The following PLD1 variants were observed in gnomAD, a reference collection of about 807,000 sequenced individuals.
PLD1 encodes choline phosphatase 1.
PLD1 carries 112 observed loss-of-function variants against 137.1 expected under a neutral mutation model. That is an observed-to-expected ratio of 0.82 (90% confidence interval 0.70 to 0.96). The LOEUF is 0.96. PLD1 is among the 40% of genes least tolerant of loss of function. The pLI is 0.00. For missense variants in PLD1, 1,321 were observed against 1,342.0 expected, an observed-to-expected ratio of 0.98 and a Z score of 0.24; for synonymous variants, 431 against 454.7, an observed-to-expected ratio of 0.95 and a Z score of 0.66.
intron 23 of PLD1, among the ~76,000 whole-genome samples, chr3:171,634,148 G>A (rs1227127461): frequency 6.6e-6 from 1 of 152,146 alleles, no homozygotes; most frequent in Non-Finnish European, 1.5e-5. Flanking sequence ...TTTCCCCACT[G>A]AGATGCCTTA....
rs1026369866 is a variant in PLD1 at position 171,601,283 on chromosome 3, G to A, written c.*1795C>T. 3 of 152,056 alleles carry A rather than the reference G, an allele frequency of 2.0e-5. No individual in the cohort carries two copies. The highest frequency in any genetic ancestry group is 2.9e-5 in the Non-Finnish European group (2 of 68,012). 9.4% of individuals were successfully genotyped at this position (152,056 alleles called of 1,614,324 possible). A position where few individuals can be genotyped will look rare whatever the true frequency, so the allele number is the denominator to read the frequency against. ...TTCAGGCTTTTTTCATGAGAGTAGG[G>A]TGCTGAAAATCAAGAGCCAGTTTGT... On this transcript the variant is annotated 3_prime_UTR_variant, in exon 27 of 27. Coordinates refer to ENST00000351298, the MANE Select transcript of PLD1 (RefSeq NM_002662.5).
intron 11 of PLD1, among the ~76,000 whole-genome samples, chr3:171,700,338 T>A (rs950572836): frequency 2.6e-4 from 38 of 145,834 alleles, no homozygotes; most frequent in African/African-American, 9.1e-4. Flanking sequence ...ACACACACTC[T>A]CTCTCTCTCT....
At chr3:171,693,058 T>C (rs1297071662) in intron 12 of PLD1, among the ~76,000 whole-genome samples, 8 of 152,260 alleles carry the variant, frequency 5.3e-5, no homozygotes, top group African/African-American at 1.9e-4. Context: ...TGATTCATCC[T>C]TCCTTAGACC....
intron 23 of PLD1, among the ~76,000 whole-genome samples, chr3:171,631,375 A>C (rs1484152424): frequency 6.6e-6 from 1 of 152,182 alleles, no homozygotes; most frequent in African/African-American, 2.4e-5. Flanking sequence ...AAACATAAAA[A>C]GAGGGATAGC....
intron 1 of PLD1, among the ~76,000 whole-genome samples, chr3:171,738,663 T>C (rs1420016587): frequency 6.6e-6 from 1 of 152,214 alleles, no homozygotes; most frequent in Non-Finnish European, 1.5e-5. Context: ...TGAGGTATAA[T>C]GACGTATGTG....
chr3:171,613,484 T>G (rs941549267), intron 24 of PLD1, among the ~76,000 whole-genome samples: 4 of 152,202 alleles, frequency 2.6e-5, no homozygotes, highest in Admixed American at 6.5e-5. Context: ...GTCACATAAC[T>G]GTGAATGTCA....
chr3:171,645,961 TTTCATGTCCC>T (rs894152957), intron 21 of PLD1, among the ~76,000 whole-genome samples: 1 of 151,600 alleles, frequency 6.6e-6, no homozygotes, highest in African/African-American at 2.4e-5. Context: ...CAACACAATA[TTTCATGTCCC>T]ATTCTCTCAA....
intron 9 of PLD1, among the ~76,000 whole-genome samples, chr3:171,712,765 G>A (rs1488006172): frequency 2.0e-5 from 3 of 152,142 alleles, no homozygotes; most frequent in African/African-American, 7.2e-5. Context: ...ATAAAGTAAG[G>A]GACCAGTGAG....
In PLD1 at chr3:171,639,507, TAAA is replaced by T. The variant is rs1487144829; in HGVS notation, c.2593+3330_2593+3332del. ...GATAAATATTTTATTTAATACATAA[TAAA>T]TAATATATATTCATATAATATATAT... is the stretch of plus-strand genomic sequence containing the variant. On this transcript the variant is annotated intron_variant, in intron 23 of 26. Coordinates refer to ENST00000351298, the MANE Select transcript of PLD1 (RefSeq NM_002662.5). Among the ~76,000 whole-genome samples, 5 of 110,386 alleles carry T rather than the reference TAAA, an allele frequency of 4.5e-5. No homozygotes were observed. In the South Asian group the frequency reaches 9.9e-4, roughly 22 times the overall value. 72.4% of individuals were successfully genotyped at this position (110,386 alleles called of 152,430 possible).
At chr3:171,606,257 A>G (rs1157170150) in intron 25 of PLD1, among the ~76,000 whole-genome samples, 2 of 152,198 alleles carry the variant, frequency 1.3e-5, no homozygotes, top group African/African-American at 4.8e-5. Context: ...AGTCGCCTTT[A>G]GCTGAGATAG....
intron 25 of PLD1, among the ~76,000 whole-genome samples, chr3:171,611,829 C>T (rs921271377): frequency 2.6e-5 from 4 of 152,148 alleles, no homozygotes; most frequent in African/African-American, 9.7e-5. Flanking sequence ...TCTGTAATCC[C>T]AGTGCTTTGA....
chr3:171,751,088 G>A (rs77037452), intron 1 of PLD1, among the ~76,000 whole-genome samples: 4,876 of 152,222 alleles, frequency 0.032, 111 homozygotes, highest in Non-Finnish European at 0.054. Flanking sequence ...AATAAACAAT[G>A]CTGAGACTAT....
chr3:171,700,932 G>A (rs1176322937), intron 11 of PLD1, among the ~76,000 whole-genome samples: 3 of 152,182 alleles, frequency 2.0e-5, no homozygotes, highest in Non-Finnish European at 4.4e-5. Flanking sequence ...AGAAGCAGTA[G>A]AAAATACTCC....
chr3:171,746,243 C>T (rs1335891775), intron 1 of PLD1, among the ~76,000 whole-genome samples: 1 of 152,216 alleles, frequency 6.6e-6, no homozygotes, highest in Non-Finnish European at 1.5e-5. Context: ...CATTGACTGC[C>T]CAAGAGCTGA....
chr3:171,619,824 C>A (rs1196139572), intron 24 of PLD1, among the ~76,000 whole-genome samples: 2 of 151,998 alleles, frequency 1.3e-5, no homozygotes, highest in East Asian at 3.8e-4. Flanking sequence ...GTGGCTCGGG[C>A]CTGTAATCCC....
At chr3:171,750,965 T>C (rs1720610679) in intron 1 of PLD1, among the ~76,000 whole-genome samples, 1 of 151,962 alleles carries the variant, frequency 6.6e-6, no homozygotes, top group Non-Finnish European at 1.5e-5. Context: ...GGCACAGAAA[T>C]AGATGAACTG....
At chr3:171,755,987 C>T (rs755060743) in intron 1 of PLD1, among the ~76,000 whole-genome samples, 2 of 152,190 alleles carry the variant, frequency 1.3e-5, no homozygotes, top group African/African-American at 4.8e-5. Context: ...AAACCAGAAT[C>T]CTGGAACTCA....
At chr3:171,659,950 T>A (rs913770803) in intron 20 of PLD1, among the ~76,000 whole-genome samples, 3 of 152,222 alleles carry the variant, frequency 2.0e-5, no homozygotes, top group Non-Finnish European at 2.9e-5. Flanking sequence ...TACAAAATAG[T>A]CTTTAAAACT....
At chr3:171,616,068 A>C (rs371736350) in intron 24 of PLD1, among the ~76,000 whole-genome samples, 17 of 152,322 alleles carry the variant, frequency 1.1e-4, no homozygotes, top group African/African-American at 4.1e-4. Context: ...GTCTCATGTT[A>C]ATGAGAAGCA....
Sources: allele counts gnomAD v4.1 joint callset (sites outside exome capture counted in the v4.1 genomes callset), GRCh38; gene constraint gnomAD v4.1.1; transcripts MANE v1.5; gene names NCBI Gene and HGNC (gene_info 2026-07-23, HGNC 2026-07-21).